Variants in DNAJC15 observed in about 807,000 individuals in gnomAD.
The protein encoded by DNAJC15 is DnaJ heat shock protein family (Hsp40) member C15.
Under a neutral mutation model 22.4 loss-of-function variants are expected in DNAJC15, and 27 were observed. The observed-to-expected ratio is 1.20, with a 90% CI of 0.89 to 1.66. The LOEUF (loss-of-function observed/expected upper bound fraction) is 1.66, where lower values mean the gene tolerates loss of function less well. Among genes scored for constraint, DNAJC15 ranks in the 40% most tolerant of loss-of-function variants. The pLI is 0.00. For missense variants in DNAJC15, 208 were observed against 187.1 expected, an observed-to-expected ratio of 1.11 and a Z score of -0.65; for synonymous variants, 79 against 63.2, an observed-to-expected ratio of 1.25 and a Z score of -1.19.
chr13:43,046,762 C>G (rs975731702), intron 1 of DNAJC15, among the ~76,000 whole-genome samples: 1 of 152,182 alleles, frequency 6.6e-6, no homozygotes, highest in South Asian at 2.1e-4. Flanking sequence ...ACGGTTCGAG[C>G]TGAGCTTTTG....
At position 43,112,178 on chromosome 13, in the gene DNAJC15, G is replaced by A. The variant is rs2153442734; in HGVS notation, c.*4930G>A. ...TGCTGAGCAAAAGAATTTATAAAAA[G>A]CTCTTTCTTTTGTATTAAAAACCCT... On this transcript the variant is annotated 3_prime_UTR_variant, in exon 6 of 6. Coordinates refer to ENST00000379221, the MANE Select transcript of DNAJC15 (RefSeq NM_013238.3). 1 of 152,264 alleles carries A rather than the reference G, an allele frequency of 6.6e-6. No individual in the cohort carries two copies. Among genetic ancestry groups the A allele is most frequent in the East Asian group, 1.9e-4 (1 of 5,182 alleles). 9.4% of individuals were successfully genotyped at this position (152,264 alleles called of 1,614,324 possible). A position where few individuals can be genotyped will look rare whatever the true frequency, so the allele number is the denominator to read the frequency against.
chr13:43,049,023 T>C (rs2040491018), intron 1 of DNAJC15, among the ~76,000 whole-genome samples: 1 of 152,172 alleles, frequency 6.6e-6, no homozygotes, highest in Non-Finnish European at 1.5e-5. Flanking sequence ...TACTGCTACA[T>C]ATGTGTGACA....
chr13:43,097,640 GAAA>G (rs143072883), intron 5 of DNAJC15, among the ~76,000 whole-genome samples: 2 of 150,896 alleles, frequency 1.3e-5, no homozygotes, highest in Non-Finnish European at 3.0e-5. Flanking sequence ...AGGTAAAGGG[GAAA>G]AAAAAAGGTC....
At chr13:43,081,963 A>G (rs2040663997) in intron 4 of DNAJC15, among the ~76,000 whole-genome samples, 1 of 152,130 alleles carries the variant, frequency 6.6e-6, no homozygotes, top group African/African-American at 2.4e-5. Context: ...GCAAGAGAGC[A>G]TGTGTAGGGG....
At chr13:43,083,654 A>G (rs1411543541) in intron 4 of DNAJC15, among the ~76,000 whole-genome samples, 1 of 152,218 alleles carries the variant, frequency 6.6e-6, no homozygotes, top group Non-Finnish European at 1.5e-5. Context: ...AGCCACAGAA[A>G]TCGAAATCAT....
chr13:43,078,614 C>T lies in DNAJC15; in HGVS notation c.237C>T (p.Ser79=). 1 of 1,612,392 alleles carries T rather than the reference C, an allele frequency of 6.2e-7. No homozygotes were observed. The highest frequency in any genetic ancestry group is 8.5e-7 in the Non-Finnish European group (1 of 1,178,868). Reference sequence around the variant, plus strand: ...CTTGCTCTTTCTTTCCTATACAGAGCTTTTCATCCTACTATAAAGGAGGAT... The same window carrying T: ...CTTGCTCTTTCTTTCCTATACAGAGTTTTTCATCCTACTATAAAGGAGGAT... ...TETAKKISTP[S]FSSYYKGGFE... The change falls in exon 4 of 6, where the codon AGC becomes AGT. Residue 79 remains serine (S), a splice_region_variant and synonymous_variant. Coordinates refer to ENST00000379221, the MANE Select transcript of DNAJC15 (RefSeq NM_013238.3).
At chr13:43,077,672 G>T (rs2040640043) in intron 3 of DNAJC15, among the ~76,000 whole-genome samples, 1 of 152,162 alleles carries the variant, frequency 6.6e-6, no homozygotes, top group Non-Finnish European at 1.5e-5. Flanking sequence ...ACAGCTGGGA[G>T]CTATCAGCCA....
chr13:43,033,433 A>G (rs928993561), intron 1 of DNAJC15, among the ~76,000 whole-genome samples: 2 of 152,114 alleles, frequency 1.3e-5, no homozygotes, highest in African/African-American at 4.8e-5. Context: ...AAAATAAACC[A>G]ATATTGATCC....
chr13:43,039,842 A>T (rs1287501045), intron 1 of DNAJC15, among the ~76,000 whole-genome samples: 2 of 152,192 alleles, frequency 1.3e-5, no homozygotes, highest in African/African-American at 4.8e-5. Context: ...AATATGGTGG[A>T]ACCTCATCTC....
chr13:43,043,248 C>A (rs1237749336), intron 1 of DNAJC15, among the ~76,000 whole-genome samples: 1 of 152,192 alleles, frequency 6.6e-6, no homozygotes, highest in Non-Finnish European at 1.5e-5. Context: ...GCTGGGACTA[C>A]AGGCGTGTGC....
chr13:43,082,743 A>C (rs2040667779), intron 4 of DNAJC15, among the ~76,000 whole-genome samples: 1 of 152,178 alleles, frequency 6.6e-6, no homozygotes, highest in Admixed American at 6.5e-5. Context: ...AGTAATTTTC[A>C]GATTTTGTAT....
chr13:43,075,590 A>C (rs1372671392), intron 3 of DNAJC15, among the ~76,000 whole-genome samples: 1 of 152,184 alleles, frequency 6.6e-6, no homozygotes, highest in Non-Finnish European at 1.5e-5. Flanking sequence ...ATTACCTTTA[A>C]TTTAGGGAGT....
chr13:43,024,344 T>G (rs74432035), intron 1 of DNAJC15, among the ~76,000 whole-genome samples: 4 of 75,296 alleles, frequency 5.3e-5, no homozygotes, highest in Admixed American at 2.3e-4. Context: ...TACGTTTTTT[T>G]TTTTTTTTTT....
At chr13:43,072,535 A>G (rs1022174366) in intron 3 of DNAJC15, among the ~76,000 whole-genome samples, 1 of 150,306 alleles carries the variant, frequency 6.7e-6, no homozygotes, top group Non-Finnish European at 1.5e-5. Context: ...GCCTTTAGCA[A>G]TGTCTATTCT....
chr13:43,065,558 C>CCTG, intron 1 of DNAJC15, 128 bp from the exon 2 acceptor site: 1 of 720,494 alleles, frequency 1.4e-6, no homozygotes, highest in South Asian at 1.8e-5. Flanking sequence ...TTTTTTAAGT[C>CCTG]CTGATCTTCA....
chr13:43,096,138 G>A (rs1315097741), intron 5 of DNAJC15, among the ~76,000 whole-genome samples: 2 of 152,226 alleles, frequency 1.3e-5, no homozygotes, highest in South Asian at 2.1e-4. Context: ...GGAAATAAAT[G>A]TAATGTTTTA....
intron 5 of DNAJC15, among the ~76,000 whole-genome samples, chr13:43,096,200 ACATGGAAAAGAGC>A (rs2040738868): frequency 1.3e-5 from 2 of 152,176 alleles, no homozygotes. Flanking sequence ...GCAGTGTTTC[ACATGGAAAAGAGC>A]CATGGGACAT....
intron 1 of DNAJC15, among the ~76,000 whole-genome samples, chr13:43,063,531 T>G (rs1028732): frequency 0.051 from 7,742 of 152,242 alleles, 579 homozygotes; most frequent in African/African-American, 0.16. Flanking sequence ...TACCATTCTG[T>G]TGTTATTGTT....
At chr13:43,067,265 G>A (rs1186501254) in intron 2 of DNAJC15, among the ~76,000 whole-genome samples, 1 of 152,118 alleles carries the variant, frequency 6.6e-6, no homozygotes, top group Non-Finnish European at 1.5e-5. Context: ...TGGAAATGAT[G>A]AAACACTTCA....
Sources: gnomAD v4.1 joint callset for allele counts (sites outside exome capture counted in the v4.1 genomes callset) on GRCh38, gnomAD v4.1.1 for gene constraint, MANE v1.5 for transcripts, NCBI Gene and HGNC (gene_info 2026-07-23, HGNC 2026-07-21) for gene names.